The following GFRA3 variants were observed in gnomAD, a reference collection of about 807,000 sequenced individuals.
GFRA3 encodes the protein GDNF family receptor alpha-3.
GFRA3 carries 24 observed loss-of-function variants against 40.0 expected under a neutral mutation model. The ratio of observed to expected loss-of-function variants is 0.60; its 90% confidence interval spans 0.43 to 0.84. The LOEUF is 0.84. Among genes scored for constraint, GFRA3 ranks in the 40% least tolerant of loss-of-function variants. GFRA3 has a pLI of 0.00. For missense variants in GFRA3, 405 were observed against 530.6 expected, an observed-to-expected ratio of 0.76 and a Z score of 2.33; for synonymous variants, 203 against 213.5, an observed-to-expected ratio of 0.95 and a Z score of 0.43.
Position 138,253,877 on chromosome 5 carries a change from C to T in GFRA3, c.913G>A (p.Val305Ile), listed in dbSNP as rs1173999113. ...GCAACACTGGTGTTGACATTGCTGA[C>T]AAAGTTGGGGGTCATGGCAGTCCCT... ...LIGTAMTPNF[V>I]SNVNTSVALS... The change falls in exon 6 of 8, where the codon GTC becomes ATC. Residue 305 changes from valine to isoleucine, a missense_variant. By Grantham distance (29) the Val-to-Ile change is conservative. Transcript: ENST00000274721. 3 of 1,613,960 alleles carry T rather than the reference C, an allele frequency of 1.9e-6. No individual in the cohort carries two copies. Among genetic ancestry groups the T allele is most frequent in the African/African-American group, 1.3e-5 (1 of 74,924 alleles).
chr5:138,255,196 T>C (rs979774247), intron 4 of GFRA3, among the ~76,000 whole-genome samples: 10 of 152,098 alleles, frequency 6.6e-5, no homozygotes, highest in African/African-American at 1.9e-4. Flanking sequence ...AGTTAATATA[T>C]GTTAAGTACT....
chr5:138,257,937 G>C lies in GFRA3; in HGVS notation c.487C>G (p.Leu163Val). The C allele has an allele frequency of 6.2e-7, 1 of 1,614,034 alleles. No individual in the cohort carries two copies. Among genetic ancestry groups the C allele is most frequent in the Non-Finnish European group, 8.5e-7 (1 of 1,179,928 alleles). Residue 163 changes from leucine to valine, a missense_variant, in exon 4 of 8, where the codon CTC becomes GTC. Coordinates refer to ENST00000274721, the MANE Select transcript of GFRA3 (RefSeq NM_001496.4). Reference protein sequence around the residue: ...NMLKPDSDLCLKFAMLCTLND... With the variant: ...NMLKPDSDLCVKFAMLCTLND... ...AGAGTACACAGCATGGCAAACTTGA[G>C]GCAGAGGTCTGAGTCTGGGGGGAAA... is the stretch of plus-strand genomic sequence containing the variant.
rs527381372 is a variant in GFRA3, at chr5:138,266,175, T to C, written c.92-1627A>G. 2.1e-3 allele frequency among the ~76,000 whole-genome samples: 327 copies of C among 152,338 alleles called. 3 individuals are homozygous for C. The highest frequency in any genetic ancestry group is 6.9e-3 in the African/African-American group (285 of 41,572). ...GTTTGAACACCTGTTTTTTGTTCTTTGGGATACATACCTAGGGATGGAATT... is the reference window on the plus strand; with the variant it reads ...GTTTGAACACCTGTTTTTTGTTCTTCGGGATACATACCTAGGGATGGAATT... On this transcript the variant is annotated intron_variant, in intron 1 of 7. Transcript: ENST00000274721.
chr5:138,265,850 C>T (rs892144507), intron 1 of GFRA3, among the ~76,000 whole-genome samples: 1 of 152,102 alleles, frequency 6.6e-6, no homozygotes, highest in East Asian at 1.9e-4. Context: ...CACATGCCAC[C>T]ACATCTGGTT....
chr5:138,270,226 A>AT (rs1755848389), intron 1 of GFRA3, among the ~76,000 whole-genome samples: 2 of 150,054 alleles, frequency 1.3e-5, no homozygotes, highest in Admixed American at 6.6e-5. Flanking sequence ...AAAAAAAAAA[A>AT]GTTAGCCAGG....
In GFRA3 at chr5:138,271,094, G is replaced by A. The variant is rs371104433; in HGVS notation, c.91+3240C>T. Among the ~76,000 whole-genome samples, 22 of 152,204 alleles carry A rather than the reference G, an allele frequency of 1.4e-4. No homozygotes were observed. The South Asian group carries it at 4.1e-3, about 29-fold the overall frequency. ...TGCAACCTCTGCCTCCCGGGTTCAA[G>A]CGATTCTCCTGCCTCAGCCTCCCAA... On this transcript the variant is annotated intron_variant, in intron 1 of 7. Coordinates refer to ENST00000274721, the MANE Select transcript of GFRA3 (RefSeq NM_001496.4).
At position 138,274,182 on chromosome 5, in the gene GFRA3, G is replaced by C. The variant is rs538134746; in HGVS notation, c.91+152C>G. ...TTAGGTGTGACCCCAGCCCCTTGCAGGCACCCTGGGCTTCCTGCTCCAGTT... is the reference window on the plus strand; with the variant it reads ...TTAGGTGTGACCCCAGCCCCTTGCACGCACCCTGGGCTTCCTGCTCCAGTT... On this transcript the variant is annotated intron_variant, in intron 1 of 7. Transcript: ENST00000274721. 1.5e-4 allele frequency: 158 copies of C among 1,049,830 alleles called. 1 individual carries two copies. In the African/African-American group the frequency reaches 2.1e-3, roughly 14 times the overall value. The allele number at this position is 1,049,830 out of a possible 1,614,324, so 65.0% of individuals were successfully genotyped here. A position where few individuals can be genotyped will look rare whatever the true frequency, so the allele number is the denominator to read the frequency against.
At chr5:138,259,952 G>T (rs748597892) in intron 2 of GFRA3, among the ~76,000 whole-genome samples, 172 of 152,292 alleles carry the variant, frequency 1.1e-3, no homozygotes, top group Non-Finnish European at 1.8e-3. Context: ...ACGCGATGGT[G>T]CTCAGCACAC....
At position 138,257,843 on chromosome 5, in the gene GFRA3, TGGCGCTGGCAGTGG is replaced by T; in HGVS notation, c.567_580del (p.His190ArgfsTer135). 1 of 1,613,876 alleles carries T rather than the reference TGGCGCTGGCAGTGG, an allele frequency of 6.2e-7. No individual in the cohort carries two copies. Among genetic ancestry groups the T allele is most frequent in the Non-Finnish European group, 8.5e-7 (1 of 1,179,958 alleles). On this transcript the variant is annotated frameshift_variant, in exon 4 of 8. Transcript: ENST00000274721. LOFTEE classifies it high-confidence loss of function. ...AGTGAGCAGCTGCCTGAGGCAGACG[TGGCGCTGGCAGTGG>T]GGCCCGGAGCACGCCTCCCCGTAGG...
chr5:138,265,361 C>T (rs533605532), intron 1 of GFRA3, among the ~76,000 whole-genome samples: 2 of 151,964 alleles, frequency 1.3e-5, no homozygotes, highest in Admixed American at 1.3e-4. Flanking sequence ...GGATTACAGG[C>T]GTGCGCCATC....
chr5:138,273,012 G>A (rs115059245), intron 1 of GFRA3, among the ~76,000 whole-genome samples: 1,551 of 152,204 alleles, frequency 0.01, 24 homozygotes, highest in African/African-American at 0.035. Flanking sequence ...TTTTATAGTT[G>A]GATGAACAAA....
chr5:138,253,251 G>A (rs1390102338), intron 7 of GFRA3, 36 bp downstream of exon 7: 3 of 1,388,622 alleles, frequency 2.2e-6, no homozygotes, highest in East Asian at 4.8e-5. Flanking sequence ...AGCCGGCCCA[G>A]TAAAGGTCTG....
intron 2 of GFRA3, among the ~76,000 whole-genome samples, chr5:138,263,242 C>T (rs929692744): frequency 6.6e-6 from 1 of 152,210 alleles, no homozygotes; most frequent in Non-Finnish European, 1.5e-5. Flanking sequence ...GCTAGGATTA[C>T]AGGTGTGAGC....
At chr5:138,272,671 T>A (rs533822848) in intron 1 of GFRA3, among the ~76,000 whole-genome samples, 2 of 151,640 alleles carry the variant, frequency 1.3e-5, no homozygotes, top group East Asian at 3.9e-4. Flanking sequence ...CAAATAAAAC[T>A]ATTAATTTCC....
chr5:138,270,226 A>AAAAAAAAAT (rs1755848389), intron 1 of GFRA3, among the ~76,000 whole-genome samples: 2 of 149,940 alleles, frequency 1.3e-5, no homozygotes, highest in African/African-American at 4.9e-5. Flanking sequence ...AAAAAAAAAA[A>AAAAAAAAAT]GTTAGCCAGG....
In GFRA3 at chr5:138,264,341, C is replaced by T. The variant is rs758662384; in HGVS notation, c.299G>A (p.Gly100Asp). Residue 100 changes from glycine (G) to aspartate (D), a missense_variant, in exon 2 of 8, where the codon GGC becomes GAC. Transcript: ENST00000274721. ...CTTCATGCGCCGGTGGCACATGCAG[C>T]CTATCAGAGAGCTGTTCCTGAGTTG... ...AQQLRNSSLI[G>D]CMCHRRMKNQ... 2 of 1,613,890 alleles carry T rather than the reference C, an allele frequency of 1.2e-6. No individual in the cohort carries two copies. The highest frequency in any genetic ancestry group is 1.3e-5 in the African/African-American group (1 of 75,056).
intron 4 of GFRA3, among the ~76,000 whole-genome samples, chr5:138,256,169 T>A (rs1218855110): frequency 6.8e-6 from 1 of 147,850 alleles, no homozygotes; most frequent in Non-Finnish European, 1.5e-5. Flanking sequence ...AGGCGGAGGC[T>A]GCAGTGAGCC....
At chr5:138,270,291 G>T (rs1025110082) in intron 1 of GFRA3, among the ~76,000 whole-genome samples, 1 of 149,138 alleles carries the variant, frequency 6.7e-6, no homozygotes, top group Non-Finnish European at 1.5e-5. Context: ...AGAATGGCGC[G>T]AACCCGGGAG....
In GFRA3 at chr5:138,257,964, G is replaced by A; in HGVS notation, c.473-13C>T. 1 of 1,612,424 alleles carries A rather than the reference G, an allele frequency of 6.2e-7. No homozygotes were observed. The highest frequency in any genetic ancestry group is 1.1e-5 in the South Asian group (1 of 91,026). ...CAGAGGTCTGAGTCTGGGGGGAAAG[G>A]GCACGGAGTCAGTCGGCTGGGCCCT... On this transcript the variant is annotated splice_polypyrimidine_tract_variant and intron_variant, in intron 3 of 7. Transcript: ENST00000274721.
Sources: allele counts gnomAD v4.1 joint callset (sites outside exome capture counted in the v4.1 genomes callset), GRCh38; gene constraint gnomAD v4.1.1; transcripts MANE v1.5; gene names NCBI Gene and HGNC (gene_info 2026-07-23, HGNC 2026-07-21).